Variants in GAB2 observed in about 807,000 individuals in gnomAD.
GAB2 encodes GRB2 associated binding protein 2, also known as GRB2-associated-binding protein 2.
A neutral mutation model predicts 65.5 loss-of-function variants in GAB2; 26 were observed. The observed-to-expected ratio is 0.40, with a 90% CI of 0.29 to 0.55. GAB2 has a LOEUF of 0.55. Ranked by LOEUF, GAB2 falls within the 20% of genes least tolerant of loss-of-function variation. The probability of loss-of-function intolerance (pLI) is 0.53; values close to 1 mark genes in which losing one functional copy is unlikely to be tolerated. For missense variants in GAB2, 884 were observed against 875.8 expected, an observed-to-expected ratio of 1.01 and a Z score of -0.12; for synonymous variants, 321 against 329.6, an observed-to-expected ratio of 0.97 and a Z score of 0.28.
At chr11:78,278,714 C>T (rs1283149577) in intron 2 of GAB2, among the ~76,000 whole-genome samples, 3 of 140,822 alleles carry the variant, frequency 2.1e-5, no homozygotes, top group African/African-American at 8.6e-5. Flanking sequence ...TTCCCCACCC[C>T]CAACATTTTT....
chr11:78,308,335 C>A (rs1474105331), intron 1 of GAB2, among the ~76,000 whole-genome samples: 1 of 152,002 alleles, frequency 6.6e-6, no homozygotes, highest in African/African-American at 2.4e-5. Flanking sequence ...ACACTGCACT[C>A]CAGGCTGGGT....
intron 1 of GAB2, among the ~76,000 whole-genome samples, chr11:78,387,459 A>C (rs1392963487): frequency 6.6e-6 from 1 of 152,174 alleles, no homozygotes. Flanking sequence ...TATTACCAAA[A>C]TCTCTACCAA....
chr11:78,414,940 C>T (rs980939027), intron 1 of GAB2, among the ~76,000 whole-genome samples: 7 of 152,144 alleles, frequency 4.6e-5, no homozygotes, highest in African/African-American at 7.2e-5. Context: ...GGTACGATCT[C>T]GGCTCACTGC....
chr11:78,345,407 G>A (rs1565167670), intron 1 of GAB2, among the ~76,000 whole-genome samples: 1 of 152,182 alleles, frequency 6.6e-6, no homozygotes, highest in Non-Finnish European at 1.5e-5. Flanking sequence ...TCCTGCGAAG[G>A]TTTAGGAATT....
chr11:78,345,967 C>T lies in GAB2; in HGVS notation c.76-65066G>A, dbSNP rs1169211526. On this transcript the variant is annotated intron_variant, in intron 1 of 9. Coordinates refer to ENST00000361507, the MANE Select transcript of GAB2 (RefSeq NM_080491.3). ...CTCTCCTACCAATTTATATTTGATC[C>T]TCTCCGTATTAGACAGATAAACTGT... 2.0e-5 allele frequency among the ~76,000 whole-genome samples: 3 copies of T among 152,064 alleles called. No individual in the cohort carries two copies. In the East Asian group the frequency reaches 5.8e-4, roughly 29 times the overall value.
rs781050538 is a variant in GAB2, at chr11:78,225,246, T to C, written c.1208-44A>G. The stretch of plus-strand genomic sequence containing the variant: ...TTCATAAGTACTCATGGTTGATTCA[T>C]GTGTTGACACTTACCCATACCCTCA... On this transcript the variant is annotated intron_variant, in intron 4 of 9. Transcript: ENST00000361507. 5 of 1,312,496 alleles carry C rather than the reference T, an allele frequency of 3.8e-6. No individual in the cohort carries two copies. The African/African-American group carries it at 7.3e-5, about 19-fold the overall frequency. The allele number at this position is 1,312,496 out of a possible 1,614,324, so 81.3% of individuals were successfully genotyped here.
intron 1 of GAB2, among the ~76,000 whole-genome samples, chr11:78,405,637 T>A (rs990826274): frequency 2.6e-5 from 4 of 152,190 alleles, no homozygotes; most frequent in Non-Finnish European, 5.9e-5. Context: ...TTCCCACCAC[T>A]AAGTACAACT....
At chr11:78,260,222 A>G (rs1865693076) in intron 2 of GAB2, among the ~76,000 whole-genome samples, 1 of 152,238 alleles carries the variant, frequency 6.6e-6, no homozygotes, top group Non-Finnish European at 1.5e-5. Context: ...AGACTCTGAG[A>G]AAGAACACCA....
chr11:78,254,758 C>T (rs1445604071), intron 2 of GAB2, among the ~76,000 whole-genome samples: 1 of 151,066 alleles, frequency 6.6e-6, no homozygotes, highest in Non-Finnish European at 1.5e-5. Flanking sequence ...ATGATCGCGC[C>T]ACTGCAATCA....
intron 1 of GAB2, among the ~76,000 whole-genome samples, chr11:78,401,886 A>G: frequency 6.6e-6 from 1 of 152,234 alleles, no homozygotes; most frequent in Admixed American, 6.5e-5. Context: ...TCGAAGAAAT[A>G]ATCCAGTGAT....
intron 2 of GAB2, among the ~76,000 whole-genome samples, chr11:78,257,478 C>G (rs1483102157): frequency 1.3e-5 from 2 of 152,152 alleles, no homozygotes; most frequent in East Asian, 1.9e-4. Flanking sequence ...CTCACTTGTT[C>G]AATAGGGCTA....
intron 1 of GAB2, among the ~76,000 whole-genome samples, chr11:78,357,811 A>T (rs896608752): frequency 9.9e-5 from 15 of 152,178 alleles, no homozygotes; most frequent in African/African-American, 3.4e-4. Context: ...GCTGGAGAGG[A>T]TGTGGAGAAA....
intron 1 of GAB2, among the ~76,000 whole-genome samples, chr11:78,404,882 T>C (rs971057513): frequency 4.6e-5 from 7 of 152,194 alleles, no homozygotes; most frequent in African/African-American, 1.4e-4. Flanking sequence ...TATTGTATAC[T>C]TCAAAATAAC....
chr11:78,233,578 G>A (rs570829966), intron 3 of GAB2, among the ~76,000 whole-genome samples: 7 of 152,112 alleles, frequency 4.6e-5, no homozygotes, highest in South Asian at 2.1e-4. Context: ...TTAGATATGC[G>A]CGTTGAATAT....
intron 3 of GAB2, 64 bp from the exon 4 acceptor site, chr11:78,227,115 CA>C: frequency 9.2e-7 from 1 of 1,084,880 alleles, no homozygotes. Context: ...GACCTTGAGG[CA>C]AAGCACTTTC....
intron 1 of GAB2, among the ~76,000 whole-genome samples, chr11:78,295,131 A>C (rs1417496804): frequency 6.6e-6 from 1 of 152,268 alleles, no homozygotes; most frequent in Non-Finnish European, 1.5e-5. Context: ...AGACACATGA[A>C]AAAATGCTCA....
At chr11:78,274,416 G>A (rs1025390248) in intron 2 of GAB2, among the ~76,000 whole-genome samples, 14 of 152,172 alleles carry the variant, frequency 9.2e-5, no homozygotes, top group South Asian at 2.1e-4. Context: ...AACTCCAGGG[G>A]ATACCCCTAC....
At chr11:78,340,900 A>G (rs1240281993) in intron 1 of GAB2, among the ~76,000 whole-genome samples, 1 of 152,174 alleles carries the variant, frequency 6.6e-6, no homozygotes, top group African/African-American at 2.4e-5. Flanking sequence ...TCCTCATCAC[A>G]ATGGTGATCA....
At chr11:78,394,341 A>G (rs1280683234) in intron 1 of GAB2, among the ~76,000 whole-genome samples, 1 of 152,108 alleles carries the variant, frequency 6.6e-6, no homozygotes, top group African/African-American at 2.4e-5. Flanking sequence ...CTTCTACCCC[A>G]ACCATGTGCT....
Sources: gnomAD v4.1 joint callset for allele counts (sites outside exome capture counted in the v4.1 genomes callset) on GRCh38, gnomAD v4.1.1 for gene constraint, MANE v1.5 for transcripts, NCBI Gene and HGNC (gene_info 2026-07-23, HGNC 2026-07-21) for gene names.